The following SIPA1L1 variants were observed in gnomAD, a reference collection of about 807,000 sequenced individuals.
SIPA1L1 encodes the protein signal induced proliferation associated 1 like 1.
Under a neutral mutation model 162.7 loss-of-function variants are expected in SIPA1L1, and 26 were observed. That is an observed-to-expected ratio of 0.16 (90% CI 0.12 to 0.22). The LOEUF (loss-of-function observed/expected upper bound fraction) is 0.22. SIPA1L1 is among the 10% of genes least tolerant of loss of function. The pLI is 1.00. For missense variants in SIPA1L1, 1,874 were observed against 2,241.0 expected (o/e 0.84, Z 3.31); for synonymous variants, 829 against 837.4 (o/e 0.99, Z 0.17).
chr14:71,361,556 A>G (rs551309765), intron 2 of SIPA1L1, among the ~76,000 whole-genome samples: 23 of 152,292 alleles, frequency 1.5e-4, no homozygotes, highest in Non-Finnish European at 2.5e-4. Flanking sequence ...TGACTACCAG[A>G]TAAGTCATTA....
intron 2 of SIPA1L1, among the ~76,000 whole-genome samples, chr14:71,415,015 C>T (rs1382604199): frequency 6.6e-6 from 1 of 152,184 alleles, no homozygotes; most frequent in African/African-American, 2.4e-5. Context: ...TATACTTAAC[C>T]TTGATCTCAG....
intron 12 of SIPA1L1, 109 bp downstream of exon 12, chr14:71,672,731 G>A: frequency 1.7e-6 from 2 of 1,175,752 alleles, no homozygotes; most frequent in Non-Finnish European, 2.4e-6. Flanking sequence ...AGAACAATAG[G>A]TTACATGTGA....
chr14:71,738,724 A>G (rs2085546724), intron 23 of SIPA1L1, among the ~76,000 whole-genome samples: 2 of 152,170 alleles, frequency 1.3e-5, no homozygotes, highest in Admixed American at 6.5e-5. Context: ...CACCAACACA[A>G]TTGTCTAAAA....
chr14:71,529,623 G>A (rs535941866), intron 4 of SIPA1L1, among the ~76,000 whole-genome samples: 2 of 152,308 alleles, frequency 1.3e-5, no homozygotes, highest in Non-Finnish European at 2.9e-5. Flanking sequence ...AGTACTGACT[G>A]AACATTAGGG....
rs2039416620 is a variant in SIPA1L1 at position 71,376,847 on chromosome 14, TG to T, written c.-465+55671del. ...GCACATGTTTCAGAGAGCACGGGGT[TG>T]GGGGTAAGATTATAGATTAACAGCA... is the stretch of plus-strand genomic sequence containing the variant. On this transcript the variant is annotated intron_variant, in intron 2 of 23. Transcript: ENST00000381232. 2.0e-5 allele frequency among the ~76,000 whole-genome samples: 3 copies of T among 152,208 alleles called. No homozygotes were observed. In the South Asian group the frequency reaches 6.2e-4, roughly 32 times the overall value.
intron 6 of SIPA1L1, among the ~76,000 whole-genome samples, chr14:71,623,258 A>G (rs2039632781): frequency 6.6e-6 from 1 of 152,168 alleles, no homozygotes; most frequent in Non-Finnish European, 1.5e-5. Context: ...TGCTAAATGG[A>G]AATGTATTCA....
chr14:71,625,817 A>G (rs1413534014), intron 7 of SIPA1L1, among the ~76,000 whole-genome samples: 1 of 152,232 alleles, frequency 6.6e-6, no homozygotes, highest in African/African-American at 2.4e-5. Flanking sequence ...AATTTCTATT[A>G]AAACAGATTA....
intron 2 of SIPA1L1, among the ~76,000 whole-genome samples, chr14:71,407,488 C>CCCGT (rs2140203030): frequency 9.2e-6 from 1 of 108,328 alleles, no homozygotes. Context: ...CCCTTCCCTC[C>CCCGT]CCTTCCTTCC....
chr14:71,678,526 TG>T (rs2045452709), intron 12 of SIPA1L1, among the ~76,000 whole-genome samples: 1 of 152,240 alleles, frequency 6.6e-6, no homozygotes, highest in Non-Finnish European at 1.5e-5. Context: ...TTTGATGTGC[TG>T]CTGGATTCGG....
At chr14:71,618,608 A>G (rs1375742041) in intron 5 of SIPA1L1, 149 bp from the exon 6 acceptor site, 7 of 701,008 alleles carry the variant, frequency 1.0e-5, no homozygotes, top group Non-Finnish European at 1.5e-5. Context: ...CTTTGTTTTT[A>G]TAACTAACTG....
intron 2 of SIPA1L1, among the ~76,000 whole-genome samples, chr14:71,480,861 GT>G (rs2048304277): frequency 6.6e-6 from 1 of 152,168 alleles, no homozygotes; most frequent in Non-Finnish European, 1.5e-5. Flanking sequence ...AAACCTTTCA[GT>G]TTTGTGGAAA....
chr14:71,546,865 G>A (rs773696980), intron 4 of SIPA1L1, among the ~76,000 whole-genome samples: 5 of 152,170 alleles, frequency 3.3e-5, no homozygotes, highest in African/African-American at 1.2e-4. Flanking sequence ...GTGAGGGTCA[G>A]TGAAAAGGCC....
At position 71,399,845 on chromosome 14, in the gene SIPA1L1, C is replaced by G. The variant is rs904310056; in HGVS notation, c.-465+78664C>G. 3.9e-5 allele frequency among the ~76,000 whole-genome samples: 6 copies of G among 151,990 alleles called. No individual in the cohort carries two copies. The East Asian group carries it at 1.2e-3, about 29-fold the overall frequency. ...AAGCGATTCTCCTGCCTCAGCCTCCCGAGTAGCTGGTATTACAGGTGTATA... is the reference window on the plus strand; with the variant it reads ...AAGCGATTCTCCTGCCTCAGCCTCCGGAGTAGCTGGTATTACAGGTGTATA... On this transcript the variant is annotated intron_variant, in intron 2 of 23. Transcript: ENST00000381232.
intron 14 of SIPA1L1, among the ~76,000 whole-genome samples, chr14:71,700,910 T>C (rs1406319296): frequency 3.0e-5 from 4 of 133,236 alleles, no homozygotes; most frequent in East Asian, 2.6e-4. Flanking sequence ...AGGAGAATGG[T>C]GTGAACCCGG....
chr14:71,389,781 C>T (rs895491042), intron 2 of SIPA1L1, among the ~76,000 whole-genome samples: 7 of 152,248 alleles, frequency 4.6e-5, no homozygotes, highest in South Asian at 2.1e-4. Flanking sequence ...AGAGACTCAT[C>T]GTCAGGAGCC....
At chr14:71,438,021 T>G (rs1297900439) in intron 2 of SIPA1L1, among the ~76,000 whole-genome samples, 1 of 152,214 alleles carries the variant, frequency 6.6e-6, no homozygotes, top group Admixed American at 6.5e-5. Flanking sequence ...TCTGTCACCC[T>G]TGTTATCTCC....
intron 2 of SIPA1L1, among the ~76,000 whole-genome samples, chr14:71,476,672 T>TATTTA (rs2047883520): frequency 6.6e-6 from 1 of 150,978 alleles, no homozygotes; most frequent in Non-Finnish European, 1.5e-5. Flanking sequence ...TTTATTTATT[T>TATTTA]ATTTATTTAT....
chr14:71,514,016 A>G (rs542906569), intron 3 of SIPA1L1, among the ~76,000 whole-genome samples: 209 of 152,274 alleles, frequency 1.4e-3, no homozygotes, highest in Non-Finnish European at 2.5e-3. Flanking sequence ...TTGCCTCCTC[A>G]GAAGAAAAAA....
intron 5 of SIPA1L1, among the ~76,000 whole-genome samples, chr14:71,615,824 A>T: frequency 6.6e-6 from 1 of 152,208 alleles, no homozygotes; most frequent in South Asian, 2.1e-4. Context: ...CTGACCAACC[A>T]TCTCTACAAA....
Sources: gnomAD v4.1 joint callset for allele counts (sites outside exome capture counted in the v4.1 genomes callset) on GRCh38, gnomAD v4.1.1 for gene constraint, MANE v1.5 for transcripts, NCBI Gene and HGNC (gene_info 2026-07-23, HGNC 2026-07-21) for gene names.